The following ADGRD1 variants were observed in gnomAD, a reference collection of about 807,000 sequenced individuals.
ADGRD1 encodes the protein G-protein coupled receptor 133.
In ADGRD1, 77 loss-of-function variants were observed where a neutral mutation model predicts 113.4. That is an observed-to-expected ratio of 0.68 (90% confidence interval 0.57 to 0.82). The LOEUF (loss-of-function observed/expected upper bound fraction) is 0.82, where lower values mean the gene tolerates loss of function less well. Among genes scored for constraint, ADGRD1 ranks in the 40% least tolerant of loss-of-function variants. The probability of loss-of-function intolerance (pLI) is 0.00; values close to 1 mark genes in which losing one functional copy is unlikely to be tolerated. For missense variants in ADGRD1, 1,036 were observed against 1,139.1 expected, an observed-to-expected ratio of 0.91 and a Z score of 1.30; for synonymous variants, 474 against 475.0, an observed-to-expected ratio of 1.00 and a Z score of 0.03.
At chr12:130,997,086 G>A (rs1231060286) in intron 8 of ADGRD1, among the ~76,000 whole-genome samples, 2 of 133,138 alleles carry the variant, frequency 1.5e-5, no homozygotes, top group East Asian at 2.4e-4. Flanking sequence ...AGGGGCGGCC[G>A]GGCAGAGGCA....
chr12:131,010,517 C>A (rs952653362), intron 12 of ADGRD1, among the ~76,000 whole-genome samples: 2 of 152,230 alleles, frequency 1.3e-5, no homozygotes, highest in African/African-American at 2.4e-5. Context: ...CGGTCTTCTG[C>A]ACAGGCTGGG....
At position 130,984,193 on chromosome 12, in the gene ADGRD1, C is replaced by T. The variant is rs556572190; in HGVS notation, c.490+2130C>T. On this transcript the variant is annotated intron_variant, in intron 5 of 24. Transcript: ENST00000261654. This position sits in a 1 kb window ranked among gnomAD's most constrained non-coding sequence, Gnocchi z 4.1. ...TAAGAAAAATATTTGGAATGATTTA[C>T]GATCATTAGTTATGATTTTATTTTA... is the stretch of plus-strand genomic sequence containing the variant. Among the ~76,000 whole-genome samples, 9 of 152,238 alleles carry T rather than the reference C, an allele frequency of 5.9e-5. No individual in the cohort carries two copies. The highest frequency in any genetic ancestry group is 3.3e-4 in the Admixed American group (5 of 15,288).
At position 130,954,730 on chromosome 12, in the gene ADGRD1, C is replaced by T; in HGVS notation, c.103+70C>T. 2 of 1,446,690 alleles carry T rather than the reference C, an allele frequency of 1.4e-6. No individual in the cohort carries two copies. Among genetic ancestry groups the T allele is most frequent in the Non-Finnish European group, 9.7e-7 (1 of 1,029,218 alleles). 89.6% of individuals were successfully genotyped at this position (1,446,690 alleles called of 1,614,324 possible). The stretch of plus-strand genomic sequence containing the variant: ...CTAGTGCAGGTATCTCAGGAACAGC[C>T]CACTTGTTCATCTCTGAGGCATCAG... On this transcript the variant is annotated intron_variant, in intron 2 of 24. Transcript: ENST00000261654. This position sits in a 1 kb window ranked among gnomAD's most constrained non-coding sequence, Gnocchi z 4.7.
At chr12:131,006,524 G>A (rs915680054) in intron 12 of ADGRD1, among the ~76,000 whole-genome samples, 11 of 152,210 alleles carry the variant, frequency 7.2e-5, no homozygotes, top group African/African-American at 1.7e-4. Flanking sequence ...CCCCGAGGAC[G>A]CCGTCTAGAC....
chr12:131,032,020 G>A (rs1398044084), intron 13 of ADGRD1, among the ~76,000 whole-genome samples: 1 of 152,168 alleles, frequency 6.6e-6, no homozygotes, highest in Non-Finnish European at 1.5e-5. Flanking sequence ...TTGGCTCTGG[G>A]GTTCCTGCCG....
At chr12:131,021,394 G>A (rs1000636777) in intron 13 of ADGRD1, among the ~76,000 whole-genome samples, 1 of 152,194 alleles carries the variant, frequency 6.6e-6, no homozygotes, top group East Asian at 1.9e-4. Context: ...CGCGGCGGCC[G>A]GCCGGTGCTT....
chr12:131,092,688 C>G (rs1886991529), intron 15 of ADGRD1, among the ~76,000 whole-genome samples: 1 of 152,088 alleles, frequency 6.6e-6, no homozygotes, highest in South Asian at 2.1e-4. Flanking sequence ...CTGGGAATGC[C>G]AGTCCCCGAG....
intron 18 of ADGRD1, among the ~76,000 whole-genome samples, chr12:131,114,734 TG>T (rs150413436): frequency 0.073 from 11,013 of 151,032 alleles, 515 homozygotes; most frequent in Middle Eastern, 0.12. Context: ...TGAGGTGGGG[TG>T]GGGGGGCATC....
intron 15 of ADGRD1, among the ~76,000 whole-genome samples, chr12:131,097,060 C>T (rs930675171): frequency 6.6e-6 from 1 of 152,178 alleles, no homozygotes; most frequent in African/African-American, 2.4e-5. Flanking sequence ...GGATTTGTGG[C>T]GAGGCTCATT....
intron 20 of ADGRD1, among the ~76,000 whole-genome samples, chr12:131,128,221 G>T (rs75088761): frequency 2.1e-4 from 29 of 135,036 alleles, no homozygotes; most frequent in African/African-American, 6.3e-4. Context: ...GTGTTGGTTG[G>T]GTTGGTTGTG....
chr12:131,023,521 C>G (rs1025119124), intron 13 of ADGRD1: 1 of 152,044 alleles, frequency 6.6e-6, no homozygotes, highest in Non-Finnish European at 1.5e-5. Flanking sequence ...GATACATGTA[C>G]TTTTTAAATA....
chr12:131,072,937 T>C (rs1309528901), intron 13 of ADGRD1, among the ~76,000 whole-genome samples: 1 of 152,196 alleles, frequency 6.6e-6, no homozygotes, highest in African/African-American at 2.4e-5. Flanking sequence ...GAGAGTGACT[T>C]AACCAGACAG....
At chr12:131,097,520 G>A (rs1887376817) in intron 15 of ADGRD1, among the ~76,000 whole-genome samples, 2 of 152,214 alleles carry the variant, frequency 1.3e-5, no homozygotes, top group Admixed American at 1.3e-4. Context: ...CAGCCCGGGG[G>A]AGGCTGGCTG....
intron 9 of ADGRD1, chr12:131,002,393 AT>A (rs1876497936): frequency 2.4e-6 from 1 of 411,030 alleles, no homozygotes; most frequent in Non-Finnish European, 3.3e-6. Context: ...CTAAAAGCAA[AT>A]ATCTAAAATT....
At chr12:131,048,196 G>C (rs181073858) in intron 13 of ADGRD1, among the ~76,000 whole-genome samples, 1 of 152,366 alleles carries the variant, frequency 6.6e-6, no homozygotes, top group Admixed American at 6.5e-5. Context: ...GTGCTGAGTG[G>C]AAGGCTGAGG....
intron 4 of ADGRD1, chr12:130,973,269 G>A (rs1871909372): frequency 6.6e-6 from 1 of 152,316 alleles, no homozygotes; most frequent in Admixed American, 6.5e-5. Flanking sequence ...TTCCACTTCC[G>A]GTTCCGACCT....
chr12:130,999,909 G>T (rs966738312), intron 8 of ADGRD1, among the ~76,000 whole-genome samples: 2 of 152,210 alleles, frequency 1.3e-5, no homozygotes, highest in Non-Finnish European at 2.9e-5. Flanking sequence ...AACCAAACAT[G>T]GTTTTAAGGT....
chr12:131,101,334 TTTC>T (rs1019308423), intron 15 of ADGRD1, among the ~76,000 whole-genome samples: 1 of 151,656 alleles, frequency 6.6e-6, no homozygotes, highest in African/African-American at 2.4e-5. Flanking sequence ...TCCACTGATT[TTTC>T]TTCTTTTCTT....
At chr12:131,032,672 G>C (rs563997468) in intron 13 of ADGRD1, among the ~76,000 whole-genome samples, 1 of 151,842 alleles carries the variant, frequency 6.6e-6, no homozygotes, top group East Asian at 1.9e-4. Flanking sequence ...TCACCACCCC[G>C]TCACAGAGAT....
Sources: allele counts gnomAD v4.1 joint callset (sites outside exome capture counted in the v4.1 genomes callset), GRCh38; gene constraint gnomAD v4.1.1; non-coding constraint Gnocchi (gnomAD v3.1); transcripts MANE v1.5; gene names NCBI Gene and HGNC (gene_info 2026-07-23, HGNC 2026-07-21).